Variants in PDE10A observed in about 807,000 individuals in gnomAD.
The protein encoded by PDE10A is phosphodiesterase 10A, also known as cAMP and cAMP-inhibited cGMP 3',5'-cyclic phosphodiesterase 10A.
A neutral mutation model predicts 97.7 loss-of-function variants in PDE10A; 39 were observed. That is an observed-to-expected ratio of 0.40 (90% CI 0.31 to 0.52). The LOEUF is 0.52. PDE10A is among the 20% of genes least tolerant of loss of function. The pLI is 0.56. For synonymous variants in PDE10A, 371 were observed against 376.8 expected, an observed-to-expected ratio of 0.98 and a Z score of 0.18; for missense variants, 731 against 1,047.8, an observed-to-expected ratio of 0.70 and a Z score of 4.17.
intron 1 of PDE10A, chr6:165,910,722 T>C (rs182158064): frequency 6.6e-6 from 1 of 152,108 alleles, no homozygotes; most frequent in Admixed American, 6.5e-5. Context: ...ATATCCAAAG[T>C]ATGTGAATAA....
chr6:165,434,503 C>T (rs1346544256), intron 6 of PDE10A, among the ~76,000 whole-genome samples: 1 of 152,118 alleles, frequency 6.6e-6, no homozygotes, highest in Non-Finnish European at 1.5e-5. Context: ...ACTGAGGGCT[C>T]CACTTTGTCT....
intron 18 of PDE10A, among the ~76,000 whole-genome samples, chr6:165,371,306 G>A (rs950607065): frequency 1.3e-5 from 2 of 151,866 alleles, no homozygotes; most frequent in African/African-American, 2.4e-5. Context: ...TTTTTTGAAA[G>A]GATCAACAAA....
chr6:165,728,594 G>T (rs1437636614), intron 1 of PDE10A, among the ~76,000 whole-genome samples: 1 of 152,138 alleles, frequency 6.6e-6, no homozygotes. Context: ...CAGAAGAATT[G>T]GGAGAGTGAA....
chr6:165,643,876 G>C (rs1157745517), intron 1 of PDE10A, among the ~76,000 whole-genome samples: 2 of 152,176 alleles, frequency 1.3e-5, no homozygotes, highest in African/African-American at 2.4e-5. Context: ...AGTGGGTTAA[G>C]TGATAGATAT....
At chr6:165,720,477 C>T (rs1032142153) in intron 1 of PDE10A, among the ~76,000 whole-genome samples, 1 of 152,144 alleles carries the variant, frequency 6.6e-6, no homozygotes, top group African/African-American at 2.4e-5. Flanking sequence ...CTGTGCACAG[C>T]TACAGCTGCC....
At chr6:165,367,887 T>C (rs1583129329) in intron 18 of PDE10A, among the ~76,000 whole-genome samples, 2 of 152,174 alleles carry the variant, frequency 1.3e-5, no homozygotes, top group Non-Finnish European at 2.9e-5. Context: ...AGGAGGTTAT[T>C]TGGGCTCAAA....
intron 1 of PDE10A, chr6:165,894,637 C>A: frequency 2.4e-6 from 1 of 425,078 alleles, no homozygotes; most frequent in Admixed American, 2.6e-5. Context: ...GATAAGCAGT[C>A]TTCCCACCGA....
intron 1 of PDE10A, among the ~76,000 whole-genome samples, chr6:165,648,411 T>C (rs1172970724): frequency 6.6e-6 from 1 of 151,642 alleles, no homozygotes; most frequent in African/African-American, 2.4e-5. Context: ...AGGATATCGA[T>C]TAAAAAAAGA....
At position 165,347,183 on chromosome 6, in the gene PDE10A, T is replaced by A. The variant is rs188003677; in HGVS notation, c.2784-3681A>T. On this transcript the variant is annotated intron_variant, in intron 18 of 21. Coordinates refer to ENST00000539869, the MANE Select transcript of PDE10A (RefSeq NM_001385079.1). Reference sequence around the variant, plus strand: ...TTTAAATCATATCTGTAATAACTACTATACCTTCATCAAAATGTGACCTAT... The same window carrying A: ...TTTAAATCATATCTGTAATAACTACAATACCTTCATCAAAATGTGACCTAT... Among the ~76,000 whole-genome samples the A allele has an allele frequency of 2.0e-5, 3 of 152,306 alleles. No homozygotes were observed. The East Asian group carries it at 5.8e-4, about 29-fold the overall frequency.
intron 1 of PDE10A, among the ~76,000 whole-genome samples, chr6:165,906,749 G>A (rs1019041213): frequency 3.9e-5 from 6 of 152,172 alleles, no homozygotes; most frequent in African/African-American, 7.2e-5. Context: ...ACACTTAAAC[G>A]CTGCCCAAAG....
intron 1 of PDE10A, among the ~76,000 whole-genome samples, chr6:165,810,920 T>C (rs1233219715): frequency 1.3e-5 from 2 of 152,142 alleles, no homozygotes; most frequent in Non-Finnish European, 2.9e-5. Context: ...TATTTTCCAT[T>C]TTTCTAGTTA....
intron 1 of PDE10A, chr6:165,949,379 C>G (rs1166555362): frequency 1.3e-5 from 2 of 152,186 alleles, no homozygotes; most frequent in South Asian, 4.1e-4. Context: ...TGGAAGGGGT[C>G]GGCAGCACGG....
At chr6:165,803,094 G>C (rs527794824) in intron 1 of PDE10A, among the ~76,000 whole-genome samples, 3 of 152,192 alleles carry the variant, frequency 2.0e-5, no homozygotes, top group African/African-American at 7.2e-5. Flanking sequence ...AGAAATGATT[G>C]AACTTGACAA....
At chr6:165,591,089 GAA>G (rs1786235902) in intron 1 of PDE10A, among the ~76,000 whole-genome samples, 1 of 152,090 alleles carries the variant, frequency 6.6e-6, no homozygotes. Flanking sequence ...CAAAGCAAGA[GAA>G]GAGGTATTTT....
intron 1 of PDE10A, among the ~76,000 whole-genome samples, chr6:165,826,422 TC>T (rs1407606797): frequency 6.7e-6 from 1 of 150,098 alleles, no homozygotes; most frequent in Non-Finnish European, 1.5e-5. Context: ...TGTCCTGGTA[TC>T]CCTCTGTCCT....
chr6:165,405,115 T>C (rs1162095735), intron 13 of PDE10A, among the ~76,000 whole-genome samples: 1 of 152,078 alleles, frequency 6.6e-6, no homozygotes, highest in African/African-American at 2.4e-5. Context: ...ATTATGTTCC[T>C]GTGAAATAAG....
chr6:165,928,251 G>A (rs763809030), intron 1 of PDE10A, among the ~76,000 whole-genome samples: 14 of 152,138 alleles, frequency 9.2e-5, no homozygotes, highest in Non-Finnish European at 1.8e-4. Flanking sequence ...GTATTCCCTG[G>A]AGTTGGTGAT....
At chr6:165,497,443 T>C (rs996473215) in intron 2 of PDE10A, among the ~76,000 whole-genome samples, 1 of 152,174 alleles carries the variant, frequency 6.6e-6, no homozygotes, top group Non-Finnish European at 1.5e-5. Context: ...ATGAGAAATA[T>C]GAATATATAT....
At chr6:165,968,563 G>A (rs910757472) in intron 1 of PDE10A, among the ~76,000 whole-genome samples, 6 of 152,278 alleles carry the variant, frequency 3.9e-5, no homozygotes, top group South Asian at 4.1e-4. Flanking sequence ...CATGTGAGGC[G>A]TCATGACTCA....
Sources: gnomAD v4.1 joint callset for allele counts (sites outside exome capture counted in the v4.1 genomes callset) on GRCh38, gnomAD v4.1.1 for gene constraint, MANE v1.5 for transcripts, NCBI Gene and HGNC (gene_info 2026-07-23, HGNC 2026-07-21) for gene names.